Variants in CSMD3 observed in about 807,000 individuals in gnomAD.
CSMD3 encodes CUB and sushi domain-containing protein 3.
CSMD3 carries 177 observed loss-of-function variants against 435.2 expected under a neutral mutation model. The ratio of observed to expected loss-of-function variants is 0.41; its 90% confidence interval spans 0.36 to 0.46. The LOEUF is 0.46. Ranked by LOEUF, CSMD3 falls within the 20% of genes least tolerant of loss-of-function variation. The probability of loss-of-function intolerance (pLI) is 0.34; values close to 1 mark genes in which losing one functional copy is unlikely to be tolerated. For synonymous variants in CSMD3, 1,656 were observed against 1,520.5 expected, an observed-to-expected ratio of 1.09 and a Z score of -2.07; for missense variants, 4,265 against 4,504.6, an observed-to-expected ratio of 0.95 and a Z score of 1.52.
chr8:112,832,246 C>T (rs2132491281), intron 11 of CSMD3, among the ~76,000 whole-genome samples: 1 of 152,248 alleles, frequency 6.6e-6, no homozygotes, highest in East Asian at 1.9e-4. Flanking sequence ...ATTCTAATCC[C>T]TCGGTGTAGA....
chr8:113,314,260 G>A (rs554587602), intron 2 of CSMD3: 1 of 305,522 alleles, frequency 3.3e-6, no homozygotes, highest in African/African-American at 2.2e-5. Context: ...TTTATCAAAA[G>A]TTATATCCAT....
intron 32 of CSMD3, among the ~76,000 whole-genome samples, chr8:112,410,652 G>GTATATATATATGTATATATATGTGTATA (rs765482386): frequency 2.7e-5 from 1 of 36,598 alleles, no homozygotes; most frequent in Non-Finnish European, 5.4e-5. Flanking sequence ...ATATATATGT[G>GTATATATATATGTATATATATGTGTATA]TATATATATG....
At chr8:113,247,540 C>G (rs918994250) in intron 3 of CSMD3, among the ~76,000 whole-genome samples, 1 of 151,908 alleles carries the variant, frequency 6.6e-6, no homozygotes, top group African/African-American at 2.4e-5. Flanking sequence ...ATAAACACAC[C>G]AGATTGTTGA....
chr8:113,237,749 C>A (rs552129622), intron 3 of CSMD3, among the ~76,000 whole-genome samples: 1 of 152,250 alleles, frequency 6.6e-6, no homozygotes, highest in African/African-American at 2.4e-5. Flanking sequence ...TAACAACAGA[C>A]CAATACTCAG....
At chr8:112,890,089 G>A (rs773228670) in intron 10 of CSMD3, among the ~76,000 whole-genome samples, 3 of 151,692 alleles carry the variant, frequency 2.0e-5, no homozygotes, top group Non-Finnish European at 4.4e-5. Flanking sequence ...AATTTTTACA[G>A]TGTCACAGTA....
At chr8:113,165,707 C>T (rs776511948) in intron 4 of CSMD3, among the ~76,000 whole-genome samples, 3 of 151,824 alleles carry the variant, frequency 2.0e-5, no homozygotes, top group African/African-American at 4.8e-5. Flanking sequence ...GTCTCTTTAT[C>T]GTCAAAGAAA....
intron 6 of CSMD3, among the ~76,000 whole-genome samples, chr8:112,992,817 CTGTG>C (rs112676787): frequency 2.0e-5 from 3 of 149,756 alleles, no homozygotes; most frequent in African/African-American, 4.9e-5. Context: ...GTATGTGCCT[CTGTG>C]TGTGTGTGTG....
At chr8:113,386,248 G>A (rs982709382) in intron 1 of CSMD3, among the ~76,000 whole-genome samples, 3 of 151,800 alleles carry the variant, frequency 2.0e-5, no homozygotes, top group African/African-American at 7.3e-5. Flanking sequence ...TTAAGAGTGG[G>A]GGTAGTAGAT....
intron 22 of CSMD3, among the ~76,000 whole-genome samples, chr8:112,612,802 T>C (rs1833369390): frequency 6.7e-6 from 1 of 148,162 alleles, no homozygotes; most frequent in Non-Finnish European, 1.5e-5. Context: ...ACTTTAACTT[T>C]GAACTCCTGG....
At chr8:112,986,520 TAA>T (rs2085259734) in intron 6 of CSMD3, among the ~76,000 whole-genome samples, 1 of 152,162 alleles carries the variant, frequency 6.6e-6, no homozygotes, top group Admixed American at 6.6e-5. Context: ...TATAGTGTTC[TAA>T]GTTATTTTAT....
At chr8:112,686,283 C>G (rs1440365590) in intron 14 of CSMD3, among the ~76,000 whole-genome samples, 1 of 152,060 alleles carries the variant, frequency 6.6e-6, no homozygotes, top group Non-Finnish European at 1.5e-5. Context: ...TGAAGAACAG[C>G]TAAATGAGAG....
At chr8:113,299,851 A>G (rs1352865415) in intron 2 of CSMD3, among the ~76,000 whole-genome samples, 1 of 151,910 alleles carries the variant, frequency 6.6e-6, no homozygotes, top group Non-Finnish European at 1.5e-5. Flanking sequence ...AAAATTAGCT[A>G]GGTGTGTGGC....
intron 4 of CSMD3, among the ~76,000 whole-genome samples, chr8:113,113,762 T>C (rs890054079): frequency 1.3e-5 from 2 of 152,212 alleles, no homozygotes; most frequent in Non-Finnish European, 2.9e-5. Context: ...TTTCTGAGAG[T>C]CTTCTCTACA....
At chr8:113,009,791 T>C (rs1165818988) in intron 6 of CSMD3, among the ~76,000 whole-genome samples, 1 of 151,830 alleles carries the variant, frequency 6.6e-6, no homozygotes, top group South Asian at 2.1e-4. Context: ...AAGGGTCTTA[T>C]AATTCTTTCA....
At position 112,808,245 on chromosome 8, in the gene CSMD3, T is replaced by C. The variant is rs184573651; in HGVS notation, c.1860-7971A>G. 9.5e-4 allele frequency among the ~76,000 whole-genome samples: 145 copies of C among 152,224 alleles called. 1 individual carries two copies. The highest frequency in any genetic ancestry group is 3.4e-3 in the African/African-American group (141 of 41,536). ...TGGATGGTCTGAAGTCTTTCCGTCTTTAAATGTGAATGTGCAAGCCCGGTA... is the reference window on the plus strand; with the variant it reads ...TGGATGGTCTGAAGTCTTTCCGTCTCTAAATGTGAATGTGCAAGCCCGGTA... On this transcript the variant is annotated intron_variant, in intron 12 of 70. Transcript: ENST00000297405.
intron 3 of CSMD3, among the ~76,000 whole-genome samples, chr8:113,224,795 AT>A (rs202113273): frequency 0.17 from 25,886 of 148,420 alleles, 2,571 homozygotes; most frequent in Middle Eastern, 0.23. Flanking sequence ...TCTTGTGTAA[AT>A]TTTTTTTTTT....
intron 1 of CSMD3, among the ~76,000 whole-genome samples, chr8:113,397,595 A>T (rs2133185676): frequency 6.6e-6 from 1 of 152,032 alleles, no homozygotes; most frequent in East Asian, 1.9e-4. Context: ...AGGCGGGGGA[A>T]CACGAGGTCA....
At chr8:113,205,508 T>A (rs1461553512) in intron 3 of CSMD3, among the ~76,000 whole-genome samples, 1 of 152,180 alleles carries the variant, frequency 6.6e-6, no homozygotes, top group African/African-American at 2.4e-5. Context: ...AGGTGTGTAG[T>A]AGGCGATACC....
intron 7 of CSMD3, among the ~76,000 whole-genome samples, chr8:112,963,539 C>T (rs1416065988): frequency 6.6e-6 from 1 of 151,878 alleles, no homozygotes; most frequent in Non-Finnish European, 1.5e-5. Flanking sequence ...GCTCATCATC[C>T]TACCATTGGT....
Sources: gnomAD v4.1 joint callset for allele counts (sites outside exome capture counted in the v4.1 genomes callset) on GRCh38, gnomAD v4.1.1 for gene constraint, MANE v1.5 for transcripts, NCBI Gene and HGNC (gene_info 2026-07-23, HGNC 2026-07-21) for gene names.